Variants in DOCK7 observed in about 807,000 individuals in gnomAD.
DOCK7 encodes dedicator of cytokinesis 7.
In DOCK7, 138 loss-of-function variants were observed where a neutral mutation model predicts 271.0. The observed-to-expected ratio is 0.51, with a 90% CI of 0.44 to 0.59. The LOEUF is 0.59. DOCK7 is among the 20% of genes least tolerant of loss of function. The pLI is 0.00. For missense variants in DOCK7, 2,066 were observed against 2,592.4 expected (o/e 0.80, Z 4.41); for synonymous variants, 823 against 876.1 (o/e 0.94, Z 1.07).
chr1:62,543,080 C>T (rs910728369), intron 24 of DOCK7, among the ~76,000 whole-genome samples: 5 of 151,954 alleles, frequency 3.3e-5, no homozygotes, highest in African/African-American at 1.2e-4. Flanking sequence ...TTTGCTGGTA[C>T]AATTTAGGAA....
At chr1:62,569,634 T>C (rs887536896) in intron 18 of DOCK7, among the ~76,000 whole-genome samples, 5 of 152,028 alleles carry the variant, frequency 3.3e-5, no homozygotes, top group Admixed American at 1.3e-4. Context: ...AATATCATAC[T>C]GAATGGGCAA....
intron 23 of DOCK7, 94 bp from the exon 24 acceptor site, chr1:62,543,839 G>T: frequency 2.4e-6 from 2 of 827,644 alleles, no homozygotes; most frequent in East Asian, 2.7e-5. Flanking sequence ...TTAAAACAGA[G>T]TTTTATTATG....
At chr1:62,457,863 A>G in intron 48 of DOCK7, 158 bp from the exon 49 acceptor site, 1 of 660,002 alleles carries the variant, frequency 1.5e-6, no homozygotes, top group Non-Finnish European at 2.5e-6. Flanking sequence ...ACACACAAAA[A>G]TATAGGCCAG....
intron 31 of DOCK7, among the ~76,000 whole-genome samples, chr1:62,524,595 A>G (rs1447089174): frequency 6.6e-6 from 1 of 152,044 alleles, no homozygotes; most frequent in Non-Finnish European, 1.5e-5. Context: ...AACATAATAT[A>G]AAACTAAACT....
At chr1:62,550,390 T>C (rs1409644751) in intron 22 of DOCK7, among the ~76,000 whole-genome samples, 1 of 152,160 alleles carries the variant, frequency 6.6e-6, no homozygotes, top group Non-Finnish European at 1.5e-5. Flanking sequence ...CTTCTTCTGA[T>C]GGTTTCAGTT....
At chr1:62,546,327 A>G (rs2149406931) in intron 22 of DOCK7, among the ~76,000 whole-genome samples, 1 of 152,252 alleles carries the variant, frequency 6.6e-6, no homozygotes, top group East Asian at 1.9e-4. Flanking sequence ...TCAAGGGCTT[A>G]GGTTTCAGGA....
chr1:62,493,663 T>C (rs895137773), intron 40 of DOCK7, among the ~76,000 whole-genome samples: 1 of 152,226 alleles, frequency 6.6e-6, no homozygotes, highest in African/African-American at 2.4e-5. Context: ...CAACTTTGTT[T>C]TCCGAGAAAC....
In DOCK7 at chr1:62,654,063, C is replaced by G. The variant is rs755083780; in HGVS notation, c.241G>C (p.Glu81Gln). 1 of 1,613,924 alleles carries G rather than the reference C, an allele frequency of 6.2e-7. No homozygotes were observed. Among genetic ancestry groups the G allele is most frequent in the Admixed American group, 1.7e-5 (1 of 59,996 alleles). Residue 81 changes from glutamate (E) to glutamine (Q), a missense_variant, in exon 3 of 50, where the codon GAA (glutamate) becomes CAA (glutamine). Around this residue, in one of 2 missense-constraint regions of DOCK7, gnomAD observed 1,414 missense variants for 1,670.4 expected, o/e 0.85. Transcript: ENST00000635253. ...VDSGPLRDLI[E>Q]FPPDDIEVVY... ...ACTTCAATATCATCTGGAGGAAATT[C>G]AATCAAATCCCGTAAAGGCCCAGAA...
In DOCK7 at chr1:62,571,529, C is replaced by T. The variant is rs541533193; in HGVS notation, c.2112+5733G>A. ...AAGACCTAGAACCAGAAATACCATT[C>T]GAACCAGCAATCTCATTACTGGGTA... is the stretch of plus-strand genomic sequence containing the variant. On this transcript the variant is annotated intron_variant, in intron 18 of 49. Transcript: ENST00000635253. Among the ~76,000 whole-genome samples the T allele has an allele frequency of 5.3e-5, 8 of 152,092 alleles. No homozygotes were observed. The South Asian group carries it at 6.2e-4, about 12-fold the overall frequency.
chr1:62,513,253 CGGGG>C lies in DOCK7; in HGVS notation c.4282+187_4282+190del, dbSNP rs61042514. The stretch of plus-strand genomic sequence containing the variant: ...TCTAGAGAAGACTTTCTAGAGAAAA[CGGGG>C]GGGGGGGGGCGGTATGCTGACTCAC... On this transcript the variant is annotated intron_variant, in intron 33 of 49. Coordinates refer to ENST00000635253, the MANE Select transcript of DOCK7 (RefSeq NM_001367561.1). Among the ~76,000 whole-genome samples the C allele has an allele frequency of 8.5e-5, 3 of 35,446 alleles. 1 individual carries two copies. The highest frequency in any genetic ancestry group is 1.8e-4 in the Non-Finnish European group (3 of 17,104). 23.3% of individuals were successfully genotyped at this position (35,446 alleles called of 152,430 possible). A position where few individuals can be genotyped will look rare whatever the true frequency, so the allele number is the denominator to read the frequency against.
At chr1:62,669,911 G>A (rs1423677446) in intron 1 of DOCK7, among the ~76,000 whole-genome samples, 1 of 152,366 alleles carries the variant, frequency 6.6e-6, no homozygotes, top group Admixed American at 6.5e-5. Context: ...GCGGGAACCG[G>A]GGCTGTGTGC....
intron 4 of DOCK7, among the ~76,000 whole-genome samples, chr1:62,650,786 C>T (rs1231160366): frequency 6.6e-6 from 1 of 152,056 alleles, no homozygotes; most frequent in African/African-American, 2.4e-5. Flanking sequence ...ATTAAAAAGT[C>T]AGGAAACAAC....
intron 14 of DOCK7, chr1:62,597,641 A>C: frequency 6.2e-7 from 1 of 1,613,316 alleles, no homozygotes; most frequent in Non-Finnish European, 8.5e-7. Context: ...ACAATTCATC[A>C]TTTGATTCTC....
In DOCK7 at chr1:62,551,287, GGAA is replaced by G. The variant is rs567023782; in HGVS notation, c.2766+1442_2766+1444del. On this transcript the variant is annotated intron_variant, in intron 22 of 49. Transcript: ENST00000635253. ...TCTTTTGGCTTCCCTGGGCCATACT[GGAA>G]GAAGAATTGTCTTGGGCCACACATA... Among the ~76,000 whole-genome samples the G allele has an allele frequency of 1.8e-4, 27 of 151,638 alleles. No homozygotes were observed. In the South Asian group the frequency reaches 4.8e-3, roughly 27 times the overall value.
At chr1:62,575,028 GC>G (rs1470151657) in intron 18 of DOCK7, among the ~76,000 whole-genome samples, 1 of 151,994 alleles carries the variant, frequency 6.6e-6, no homozygotes, top group Admixed American at 6.6e-5. Flanking sequence ...ACCACACCTG[GC>G]CAGAAACACT....
intron 14 of DOCK7, among the ~76,000 whole-genome samples, chr1:62,593,429 G>C (rs1040615920): frequency 1.3e-5 from 2 of 152,052 alleles, no homozygotes; most frequent in Admixed American, 1.3e-4. Flanking sequence ...AATTAGCCAG[G>C]CTTGGTTGGG....
intron 14 of DOCK7, among the ~76,000 whole-genome samples, chr1:62,612,496 T>C (rs957931548): frequency 6.6e-6 from 1 of 152,124 alleles, no homozygotes; most frequent in Non-Finnish European, 1.5e-5. Flanking sequence ...TATACCTATG[T>C]AACAAATCTG....
chr1:62,653,872 G>A (rs1557864261), intron 3 of DOCK7, 79 bp from the exon 4 acceptor site: 4 of 1,476,422 alleles, frequency 2.7e-6, no homozygotes, highest in Non-Finnish European at 3.8e-6. Flanking sequence ...TACAATCGCT[G>A]TTTGCGTAAC....
At chr1:62,598,831 T>C (rs762816770) in intron 14 of DOCK7, 11 of 1,370,086 alleles carry the variant, frequency 8.0e-6, no homozygotes, top group African/African-American at 1.4e-5. Flanking sequence ...TAATGGTATG[T>C]CCCATCTTTC....
Sources: allele counts gnomAD v4.1 joint callset (sites outside exome capture counted in the v4.1 genomes callset), GRCh38; gene constraint gnomAD v4.1.1; regional missense constraint gnomAD v4.1.1; transcripts MANE v1.5; gene names NCBI Gene and HGNC (gene_info 2026-07-23, HGNC 2026-07-21).